Variants in TGFBRAP1 observed in about 807,000 individuals in gnomAD.
The protein encoded by TGFBRAP1 is transforming growth factor-beta receptor-associated protein 1.
A neutral mutation model predicts 83.2 loss-of-function variants in TGFBRAP1; 20 were observed. The observed-to-expected ratio is 0.24, with a 90% CI of 0.17 to 0.35. The LOEUF is 0.35. Among genes scored for constraint, TGFBRAP1 ranks in the 10% least tolerant of loss-of-function variants. The probability of loss-of-function intolerance (pLI) is 1.00; values close to 1 mark genes in which losing one functional copy is unlikely to be tolerated. For missense variants in TGFBRAP1, 950 were observed against 1,099.4 expected (o/e 0.86, Z 1.92); for synonymous variants, 415 against 459.8 (o/e 0.90, Z 1.25).
rs768937590 is a variant in TGFBRAP1, at chr2:105,269,228, A to T, written c.2406+44T>A. 1 of 1,528,154 alleles carries T rather than the reference A, an allele frequency of 6.5e-7. No individual in the cohort carries two copies. Among genetic ancestry groups the T allele is most frequent in the African/African-American group, 1.4e-5 (1 of 72,636 alleles). 94.7% of individuals were successfully genotyped at this position (1,528,154 alleles called of 1,614,324 possible). On this transcript the variant is annotated intron_variant, in intron 11 of 11. Transcript: ENST00000393359. This position sits in a 1 kb window ranked among gnomAD's most constrained non-coding sequence, Gnocchi z 4.1. ...CATCAGTAAAATCTACCTTCAGTAC[A>T]ATGTTGACTGACCAGGAAGCAGCTC... is the stretch of plus-strand genomic sequence containing the variant.
chr2:105,294,307 G>GGGGTGTGT (rs1553404589), intron 4 of TGFBRAP1, among the ~76,000 whole-genome samples: 28 of 147,894 alleles, frequency 1.9e-4, no homozygotes, highest in Admixed American at 3.4e-4. Flanking sequence ...TAGGAGTGAG[G>GGGGTGTGT]GTGTGTGTGT....
At chr2:105,328,269 T>C (rs1001300971) in intron 1 of TGFBRAP1, among the ~76,000 whole-genome samples, 3 of 152,148 alleles carry the variant, frequency 2.0e-5, no homozygotes, top group African/African-American at 7.2e-5. Context: ...CACTCCCATT[T>C]CATAGATGAC....
At chr2:105,278,101 T>C (rs1558632232) in intron 6 of TGFBRAP1, among the ~76,000 whole-genome samples, 2 of 126,890 alleles carry the variant, frequency 1.6e-5, no homozygotes, top group South Asian at 5.1e-4. Flanking sequence ...TGTGTGTGTG[T>C]GTGTGTGTGT....
rs374384909 is a variant in TGFBRAP1 at position 105,307,843 on chromosome 2, C to T, written c.459G>A (p.Val153=). The T allele has an allele frequency of 6.2e-7, 1 of 1,614,230 alleles. No individual in the cohort carries two copies. Among genetic ancestry groups the T allele is most frequent in the Admixed American group, 1.7e-5 (1 of 60,030 alleles). The stretch of plus-strand genomic sequence containing the variant: ...TGACGATCTGCACCCGGTCCTCGTA[C>T]ACCAGAAACATCTGGATGGTTCTGC... ...VKRRTIQMFL[V]YEDRVQIVKE... Residue 153 remains valine, a synonymous_variant, in exon 2 of 12, where the codon GTG becomes GTA. Coordinates refer to ENST00000393359, the MANE Select transcript of TGFBRAP1 (RefSeq NM_004257.6).
At chr2:105,284,454 G>T (rs878920236) in intron 4 of TGFBRAP1, 56 bp from the exon 5 acceptor site, 13 of 1,536,228 alleles carry the variant, frequency 8.5e-6, no homozygotes, top group East Asian at 6.7e-5. Context: ...TCACGGCAGG[G>T]TTAAATTTGT....
downstream of TGFBRAP1, among the ~76,000 whole-genome samples, chr2:105,261,233 C>T (rs557762588): frequency 1.3e-5 from 2 of 152,208 alleles, no homozygotes; most frequent in East Asian, 1.9e-4. Flanking sequence ...AAATCATAAA[C>T]ATGTGTGGGC....
At chr2:105,291,026 AT>A (rs1677894871) in intron 4 of TGFBRAP1, among the ~76,000 whole-genome samples, 1 of 151,988 alleles carries the variant, frequency 6.6e-6, no homozygotes, top group Non-Finnish European at 1.5e-5. Flanking sequence ...AATCAATAAA[AT>A]TTTCTAAAAC....
At chr2:105,317,301 G>A (rs563252805) in intron 1 of TGFBRAP1, among the ~76,000 whole-genome samples, 2 of 152,248 alleles carry the variant, frequency 1.3e-5, no homozygotes, top group Admixed American at 1.3e-4. Context: ...GCTGGGCATG[G>A]TGGCGGATGC....
intron 1 of TGFBRAP1, among the ~76,000 whole-genome samples, chr2:105,311,145 TAA>T (rs11389565): frequency 8.0e-6 from 1 of 125,446 alleles, no homozygotes; most frequent in Non-Finnish European, 1.6e-5. Context: ...GAGAGAGCTG[TAA>T]AAAAAAAAAA....
chr2:105,316,217 G>A (rs372588009), intron 1 of TGFBRAP1, among the ~76,000 whole-genome samples: 1 of 152,110 alleles, frequency 6.6e-6, no homozygotes, highest in Non-Finnish European at 1.5e-5. Context: ...AACTTTCTGG[G>A]TGACAGACAT....
chr2:105,263,420 G>A (rs1289804790), downstream of TGFBRAP1, among the ~76,000 whole-genome samples: 1 of 152,188 alleles, frequency 6.6e-6, no homozygotes, highest in South Asian at 2.1e-4. Context: ...CCTGCAGGTG[G>A]GAGCCACAGA....
chr2:105,269,682 G>A lies in TGFBRAP1; in HGVS notation c.1996C>T (p.Pro666Ser). 1 of 1,560,756 alleles carries A rather than the reference G, an allele frequency of 6.4e-7. No homozygotes were observed. Among genetic ancestry groups the A allele is most frequent in the Non-Finnish European group, 8.7e-7 (1 of 1,149,724 alleles). ...CCGTGCAGGATGGCGCTCTCCATGG[G>A]CAGGCCAGCTCCCTGCAGCCTCTCT... The part of the protein sequence containing the change: ...LLERLQGAGL[P>S]MESAILHGKL... The change falls in exon 11 of 12, where the codon CCC (proline) becomes TCC (serine). Residue 666 changes from proline (P) to serine (S), a missense_variant. By Grantham distance (74) the Pro-to-Ser change is moderately conservative. Coordinates refer to ENST00000393359, the MANE Select transcript of TGFBRAP1 (RefSeq NM_004257.6). This position sits in a 1 kb window ranked among gnomAD's most constrained non-coding sequence, Gnocchi z 4.1.
chr2:105,278,074 G>GAGACCC (rs1223863241), intron 6 of TGFBRAP1, among the ~76,000 whole-genome samples: 1 of 22,844 alleles, frequency 4.4e-5, no homozygotes, highest in Non-Finnish European at 1.4e-4. Flanking sequence ...ATATATGTGT[G>GAGACCC]TGTGTGTGTG....
At chr2:105,288,398 G>A (rs1677789405) in intron 4 of TGFBRAP1, among the ~76,000 whole-genome samples, 1 of 152,176 alleles carries the variant, frequency 6.6e-6, no homozygotes, top group Admixed American at 6.5e-5. Flanking sequence ...ACAGGATGGG[G>A]CTAAGAGGCA....
intron 1 of TGFBRAP1, among the ~76,000 whole-genome samples, chr2:105,321,158 TTA>T (rs779557929): frequency 4.6e-5 from 7 of 151,974 alleles, no homozygotes; most frequent in Admixed American, 6.5e-5. Context: ...AATGACTTAT[TTA>T]TTTATTTATT....
Position 105,269,247 on chromosome 2 carries a change from GCAGCTCGTGGGGGC to G in TGFBRAP1, c.2406+11_2406+24del, listed in dbSNP as rs1283989475. Reference sequence around the variant, plus strand: ...CAGTACAATGTTGACTGACCAGGAAGCAGCTCGTGGGGGCCAGCACTTACCTTATCGTAGGTGTA... The same window carrying G: ...CAGTACAATGTTGACTGACCAGGAAGCAGCACTTACCTTATCGTAGGTGTA... On this transcript the variant is annotated intron_variant, in intron 11 of 11. Coordinates refer to ENST00000393359, the MANE Select transcript of TGFBRAP1 (RefSeq NM_004257.6). The surrounding 1 kb of genome is among the most constrained non-coding windows in gnomAD (Gnocchi z 4.1). 2 of 1,556,652 alleles carry G rather than the reference GCAGCTCGTGGGGGC, an allele frequency of 1.3e-6. No individual in the cohort carries two copies. Among genetic ancestry groups the G allele is most frequent in the Non-Finnish European group, 1.7e-6 (2 of 1,145,768 alleles).
At chr2:105,264,253 T>A (rs1259996197), downstream of TGFBRAP1, 1 of 152,140 alleles carries the variant, frequency 6.6e-6, no homozygotes, top group African/African-American at 2.4e-5. Context: ...AAAATATGCA[T>A]TGGGTAAATT....
rs988740951 is a variant in TGFBRAP1 at position 105,264,949 on chromosome 2, T to C, written c.*2434A>G. 1 of 152,182 alleles carries C rather than the reference T, an allele frequency of 6.6e-6. No individual in the cohort carries two copies. The highest frequency in any genetic ancestry group is 1.5e-5 in the Non-Finnish European group (1 of 68,036). 9.4% of individuals were successfully genotyped at this position (152,182 alleles called of 1,614,324 possible). A position where few individuals can be genotyped will look rare whatever the true frequency, so the allele number is the denominator to read the frequency against. On this transcript the variant is annotated 3_prime_UTR_variant, in exon 12 of 12. Coordinates refer to ENST00000393359, the MANE Select transcript of TGFBRAP1 (RefSeq NM_004257.6). ...TCAGCAGGCCTGTGAGAAAGAACCA[T>C]ACATTTCTCTCAGAAATATGATTTG...
chr2:105,254,203 G>A, the TGFBRAP1 span, among the ~76,000 whole-genome samples: 2 of 152,006 alleles, frequency 1.3e-5, no homozygotes, highest in East Asian at 3.9e-4. Flanking sequence ...TAATAAAATC[G>A]CTTTTCAGAA....
Sources: gnomAD v4.1 joint callset for allele counts (sites outside exome capture counted in the v4.1 genomes callset) on GRCh38, gnomAD v4.1.1 for gene constraint, Gnocchi (gnomAD v3.1) non-coding constraint, MANE v1.5 for transcripts, NCBI Gene and HGNC (gene_info 2026-07-23, HGNC 2026-07-21) for gene names.